The following CDH4 variants were observed in gnomAD, a reference collection of about 807,000 sequenced individuals.
CDH4 encodes the protein cadherin 4, also known as cadherin-4.
Under a neutral mutation model 86.0 loss-of-function variants are expected in CDH4, and 33 were observed. The ratio of observed to expected loss-of-function variants is 0.38; its 90% CI spans 0.29 to 0.51. The LOEUF (loss-of-function observed/expected upper bound fraction) is 0.51, where lower values mean the gene tolerates loss of function less well. CDH4 is among the 20% of genes least tolerant of loss of function. The probability of loss-of-function intolerance (pLI) is 0.86; values close to 1 mark genes in which losing one functional copy is unlikely to be tolerated. For synonymous variants in CDH4, 555 were observed against 549.4 expected, an observed-to-expected ratio of 1.01 and a Z score of -0.14; for missense variants, 1,114 against 1,307.4, an observed-to-expected ratio of 0.85 and a Z score of 2.28.
chr20:61,902,201 G>A lies in CDH4; in HGVS notation c.1188+7154G>A, dbSNP rs1054659936. 1.3e-5 allele frequency among the ~76,000 whole-genome samples: 2 copies of A among 152,198 alleles called. No homozygotes were observed. The highest frequency in any genetic ancestry group is 2.9e-5 in the Non-Finnish European group (2 of 68,030). ...GGCAGGCGTGGAGGCATCGTGGATG[G>A]CCGTTTTCAGAGCAGGGCAGGCAGC... On this transcript the variant is annotated intron_variant, in intron 8 of 15. Transcript: ENST00000614565. The surrounding 1 kb of genome is among the most constrained non-coding windows in gnomAD (Gnocchi z 4.6).
chr20:61,282,095 A>T (rs2084262029), intron 2 of CDH4, among the ~76,000 whole-genome samples: 1 of 152,220 alleles, frequency 6.6e-6, no homozygotes, highest in Non-Finnish European at 1.5e-5. Context: ...ATGGTGGCTC[A>T]CGCCTGTAAT....
At chr20:61,894,059 C>T (rs576458993) in intron 7 of CDH4, among the ~76,000 whole-genome samples, 3 of 152,274 alleles carry the variant, frequency 2.0e-5, no homozygotes, top group East Asian at 3.9e-4. Flanking sequence ...GTTCCCTTTT[C>T]GCTTTGGTCC....
chr20:61,784,534 G>C (rs79421766), intron 4 of CDH4, among the ~76,000 whole-genome samples: 66 of 54,872 alleles, frequency 1.2e-3, no homozygotes, highest in African/African-American at 2.6e-3. Flanking sequence ...GACAGTTCTC[G>C]AGGCCCTCAG....
intron 8 of CDH4, among the ~76,000 whole-genome samples, chr20:61,895,968 G>A (rs758782280): frequency 1.3e-4 from 20 of 152,162 alleles, no homozygotes; most frequent in Admixed American, 1.0e-3. Flanking sequence ...GAGAGTCAGC[G>A]AGGGCTCCCA....
At chr20:61,561,965 C>A (rs936753665) in intron 2 of CDH4, among the ~76,000 whole-genome samples, 1 of 151,608 alleles carries the variant, frequency 6.6e-6, no homozygotes, top group African/African-American at 2.4e-5. Context: ...CCAGGGCTCC[C>A]AGAGAGAGAG....
At chr20:61,347,005 C>T (rs2084682933) in intron 2 of CDH4, among the ~76,000 whole-genome samples, 1 of 152,192 alleles carries the variant, frequency 6.6e-6, no homozygotes, top group African/African-American at 2.4e-5. Context: ...TGTCTAATAA[C>T]ATGGTTTCAT....
intron 2 of CDH4, among the ~76,000 whole-genome samples, chr20:61,706,297 AG>A (rs1224158229): frequency 6.6e-6 from 1 of 152,002 alleles, no homozygotes; most frequent in Non-Finnish European, 1.5e-5. Flanking sequence ...TGTTTACTAA[AG>A]GGGGCTTCAG....
chr20:61,630,898 C>T (rs145565781), intron 2 of CDH4, among the ~76,000 whole-genome samples: 7 of 152,228 alleles, frequency 4.6e-5, no homozygotes, highest in Non-Finnish European at 7.4e-5. Flanking sequence ...TTTCTGTGCC[C>T]GTGGGAAGGT....
At position 61,665,920 on chromosome 20, in the gene CDH4, A is replaced by G. The variant is rs1046857812; in HGVS notation, c.170-77643A>G. Among the ~76,000 whole-genome samples, 18 of 152,174 alleles carry G rather than the reference A, an allele frequency of 1.2e-4. No individual in the cohort carries two copies. The South Asian group carries it at 1.5e-3, about 12-fold the overall frequency. ...AATCGCAGCGGTGGGACCGAGGGGC[A>G]CCTGCGGCTACATATTAAGGTCACG... is the stretch of plus-strand genomic sequence containing the variant. On this transcript the variant is annotated intron_variant, in intron 2 of 15. Transcript: ENST00000614565.
chr20:61,319,183 C>T (rs2084494460), intron 2 of CDH4, among the ~76,000 whole-genome samples: 1 of 149,020 alleles, frequency 6.7e-6, no homozygotes, highest in Non-Finnish European at 1.5e-5. Context: ...TAACATATAA[C>T]ATGTTATAAT....
chr20:61,726,189 A>G (rs2088108972), intron 2 of CDH4, among the ~76,000 whole-genome samples: 1 of 152,110 alleles, frequency 6.6e-6, no homozygotes, highest in South Asian at 2.1e-4. Flanking sequence ...GGGTACCCCC[A>G]GTGGCCCAGG....
At chr20:61,866,981 G>T (rs1407068022) in intron 6 of CDH4, among the ~76,000 whole-genome samples, 1 of 152,222 alleles carries the variant, frequency 6.6e-6, no homozygotes, top group Non-Finnish European at 1.5e-5. Context: ...GCCCTTTCCC[G>T]GGAAGGAGAT....
Position 61,415,555 on chromosome 20 carries a change from C to A in CDH4, c.169+160618C>A, listed in dbSNP as rs532005065. On this transcript the variant is annotated intron_variant, in intron 2 of 15. Transcript: ENST00000614565. Reference sequence around the variant, plus strand: ...AGCCGCACTCTCCCCCGCCCCTGGCCCCCACCATCCTATTGTTTATTTCTA... The same window carrying A: ...AGCCGCACTCTCCCCCGCCCCTGGCACCCACCATCCTATTGTTTATTTCTA... Among the ~76,000 whole-genome samples the A allele has an allele frequency of 7.9e-5, 12 of 152,194 alleles. 1 individual carries two copies. The South Asian group carries it at 2.5e-3, about 32-fold the overall frequency.
chr20:61,669,026 C>T (rs528392948), intron 2 of CDH4, among the ~76,000 whole-genome samples: 8 of 152,324 alleles, frequency 5.3e-5, no homozygotes, highest in East Asian at 3.9e-4. Flanking sequence ...CTCAGGGCTG[C>T]GGCAGGCCGG....
intron 2 of CDH4, among the ~76,000 whole-genome samples, chr20:61,728,840 C>T (rs570647001): frequency 2.0e-5 from 3 of 152,272 alleles, no homozygotes; most frequent in African/African-American, 7.2e-5. Flanking sequence ...TTCTCCACAC[C>T]GTTAAATGGA....
At chr20:61,338,116 C>G (rs2084629443) in intron 2 of CDH4, among the ~76,000 whole-genome samples, 2 of 152,102 alleles carry the variant, frequency 1.3e-5, no homozygotes, top group Non-Finnish European at 2.9e-5. Context: ...TCTAGCTATC[C>G]TCAAAAAGTC....
At chr20:61,381,089 T>C (rs959468992) in intron 2 of CDH4, among the ~76,000 whole-genome samples, 1 of 152,144 alleles carries the variant, frequency 6.6e-6, no homozygotes, top group Non-Finnish European at 1.5e-5. Flanking sequence ...GGATGGCACA[T>C]TTTAAATTTG....
chr20:61,419,544 G>T (rs980362729), intron 2 of CDH4, among the ~76,000 whole-genome samples: 1 of 152,178 alleles, frequency 6.6e-6, no homozygotes, highest in African/African-American at 2.4e-5. Flanking sequence ...AGAGGGGATC[G>T]TTTGGCTTCC....
intron 8 of CDH4, among the ~76,000 whole-genome samples, chr20:61,905,176 C>A (rs1364634846): frequency 6.6e-6 from 1 of 152,204 alleles, no homozygotes; most frequent in African/African-American, 2.4e-5. Flanking sequence ...GCCTGAGAGG[C>A]TTTCCTTGTG....
Sources: allele counts gnomAD v4.1 joint callset (sites outside exome capture counted in the v4.1 genomes callset), GRCh38; gene constraint gnomAD v4.1.1; non-coding constraint Gnocchi (gnomAD v3.1); transcripts MANE v1.5; gene names NCBI Gene and HGNC (gene_info 2026-07-23, HGNC 2026-07-21).